The following ZNF714 variants were observed in gnomAD, a reference collection of about 807,000 sequenced individuals.
The protein encoded by ZNF714 is zinc finger protein 714.
ZNF714 carries 32 observed loss-of-function variants against 46.2 expected under a neutral mutation model. That is an observed-to-expected ratio of 0.69 (90% confidence interval 0.52 to 0.93). The LOEUF is 0.93. Ranked by LOEUF, ZNF714 falls within the 40% of genes least tolerant of loss-of-function variation. ZNF714 has a pLI of 0.00. For synonymous variants in ZNF714, 199 were observed against 213.1 expected (o/e 0.93, Z 0.58); for missense variants, 635 against 646.3 (o/e 0.98, Z 0.19).
At chr19:21,084,652 G>C (rs974678809) in intron 2 of ZNF714, among the ~76,000 whole-genome samples, 1 of 151,032 alleles carries the variant, frequency 6.6e-6, no homozygotes, top group African/African-American at 2.4e-5. Context: ...TTTGACCTCA[G>C]TTTTTTAGCT....
chr19:21,098,744 C>A, intron 3 of ZNF714, 68 bp from the exon 4 acceptor site: 2 of 999,252 alleles, frequency 2.0e-6, no homozygotes, highest in Non-Finnish European at 2.9e-6. Context: ...ATCCTTTTTA[C>A]TGAGCACAGT....
Position 21,122,817 on chromosome 19 carries a change from T to C in ZNF714, c.*4485T>C, listed in dbSNP as rs867712994. On this transcript the variant is annotated 3_prime_UTR_variant, in exon 5 of 5. Transcript: ENST00000456283. ...ATTTTTAGTGCACTTAAAAATGGATTTTAACTGGTGAGTTCGCTTATCAAT... is the reference window on the plus strand; with the variant it reads ...ATTTTTAGTGCACTTAAAAATGGATCTTAACTGGTGAGTTCGCTTATCAAT... The C allele has an allele frequency of 6.6e-6, 1 of 152,122 alleles. No homozygotes were observed. Among genetic ancestry groups the C allele is most frequent in the East Asian group, 1.9e-4 (1 of 5,198 alleles). 9.4% of individuals were successfully genotyped at this position (152,122 alleles called of 1,614,324 possible). A position where few individuals can be genotyped will look rare whatever the true frequency, so the allele number is the denominator to read the frequency against.
intron 4 of ZNF714, among the ~76,000 whole-genome samples, chr19:21,099,732 G>T (rs1157732053): frequency 2.6e-5 from 4 of 152,002 alleles, no homozygotes; most frequent in Middle Eastern, 6.8e-3. Context: ...GTAAATTTTA[G>T]AATCGTATTT....
rs549654831 is a variant in ZNF714 at position 21,104,695 on chromosome 19, C to T, written c.142+5785C>T. On this transcript the variant is annotated intron_variant, in intron 4 of 4. Coordinates refer to ENST00000456283, the MANE Select transcript of ZNF714 (RefSeq NM_182515.4). ...CAATGGTGCAATGGCTCACTGCAACCTCCGCCTCCTGGATTCCAACAATTC... is the reference window on the plus strand; with the variant it reads ...CAATGGTGCAATGGCTCACTGCAACTTCCGCCTCCTGGATTCCAACAATTC... 3.5e-4 allele frequency among the ~76,000 whole-genome samples: 53 copies of T among 152,028 alleles called. 1 individual carries two copies. Among genetic ancestry groups the T allele is most frequent in the African/African-American group, 1.3e-3 (52 of 41,462 alleles).
intron 2 of ZNF714, among the ~76,000 whole-genome samples, chr19:21,090,174 A>G (rs1032756235): frequency 3.9e-5 from 6 of 152,230 alleles, no homozygotes; most frequent in Non-Finnish European, 8.8e-5. Context: ...GCCTCTGGGC[A>G]AGATGGTTAC....
intron 2 of ZNF714, chr19:21,091,393 C>G (rs1968905584): frequency 1.3e-5 from 2 of 152,314 alleles, no homozygotes; most frequent in South Asian, 2.1e-4. Context: ...TGCTGACCTT[C>G]TATCTCACCT....
chr19:21,117,467 AC>A lies in ZNF714; in HGVS notation c.806del (p.Pro269LeufsTer37), dbSNP rs1198640123. On this transcript the variant is annotated frameshift_variant, in exon 5 of 5. Coordinates refer to ENST00000456283, the MANE Select transcript of ZNF714 (RefSeq NM_182515.4). LOFTEE classifies it high-confidence loss of function. ...GAAGAATGTGGTAAAGCTTTTAACC[AC>A]CCTTCAGCCCTTACTACACATAAGT... ...KCEECGKAFN[H>X]PSALTTHKFI... 6.8e-6 allele frequency: 11 copies of A among 1,610,914 alleles called. No homozygotes were observed. Among genetic ancestry groups the A allele is most frequent in the South Asian group, 1.1e-5 (1 of 90,884 alleles).
At chr19:21,116,754 A>T (rs1005976819) in intron 4 of ZNF714, 53 bp from the exon 5 acceptor site, 1 of 1,520,274 alleles carries the variant, frequency 6.6e-7, no homozygotes, top group African/African-American at 1.4e-5. Context: ...TTTGTAAAGT[A>T]TGTTTATCAG....
chr19:21,117,982 C>T lies in ZNF714; in HGVS notation c.1318C>T (p.Leu440Phe). 1.9e-6 allele frequency: 3 copies of T among 1,613,578 alleles called. No homozygotes were observed. The highest frequency in any genetic ancestry group is 1.7e-6 in the Non-Finnish European group (2 of 1,179,942). The change falls in exon 5 of 5, where the codon CTT becomes TTT. Residue 440 changes from leucine to phenylalanine, a missense_variant. Transcript: ENST00000456283. ...CGKAFNRSSN[L>F]TTHKRIHTGE... ...CAAAGCTTTTAACCGATCCTCAAACCTTACTACACATAAGAGAATTCACAC... is the reference window on the plus strand; with the variant it reads ...CAAAGCTTTTAACCGATCCTCAAACTTTACTACACATAAGAGAATTCACAC...
intron 4 of ZNF714, among the ~76,000 whole-genome samples, chr19:21,101,849 C>CA (rs1019819784): frequency 1.3e-5 from 2 of 152,162 alleles, no homozygotes; most frequent in Non-Finnish European, 2.9e-5. Context: ...TAGCCAAAAC[C>CA]AGGGGTCCTG....
chr19:21,107,404 T>G (rs1028284092), intron 4 of ZNF714, among the ~76,000 whole-genome samples: 1 of 152,154 alleles, frequency 6.6e-6, no homozygotes, highest in Non-Finnish European at 1.5e-5. Context: ...CACGCCTGGC[T>G]AATTTTGTAT....
intron 2 of ZNF714, among the ~76,000 whole-genome samples, chr19:21,085,640 G>A (rs1341116627): frequency 6.6e-6 from 1 of 151,854 alleles, no homozygotes; most frequent in East Asian, 1.9e-4. Flanking sequence ...TACAAAAGGA[G>A]GTTATTAAAG....
In ZNF714 at chr19:21,119,584, G is replaced by GA. The variant is rs1969673550; in HGVS notation, c.*1257dup. 1 of 152,110 alleles carries GA rather than the reference G, an allele frequency of 6.6e-6. No individual in the cohort carries two copies. Among genetic ancestry groups the GA allele is most frequent in the African/African-American group, 2.4e-5 (1 of 41,372 alleles). 9.4% of individuals were successfully genotyped at this position (152,110 alleles called of 1,614,324 possible). The stretch of plus-strand genomic sequence containing the variant: ...TCAATATCAGGGAATTTATATTGAA[G>GA]AAAAATCATGCAAATGTAGTAAATT... On this transcript the variant is annotated 3_prime_UTR_variant, in exon 5 of 5. Coordinates refer to ENST00000456283, the MANE Select transcript of ZNF714 (RefSeq NM_182515.4).
At chr19:21,089,070 A>G (rs904342038) in intron 2 of ZNF714, among the ~76,000 whole-genome samples, 99 of 152,196 alleles carry the variant, frequency 6.5e-4, no homozygotes, top group Non-Finnish European at 2.2e-4. Flanking sequence ...CAGTTATTAC[A>G]TGCCAAAGTT....
rs745353419 is a variant in ZNF714, at chr19:21,116,805, A to T, written c.143-2A>T. 1.3e-6 allele frequency: 2 copies of T among 1,576,442 alleles called. No individual in the cohort carries two copies. Among genetic ancestry groups the T allele is most frequent in the Non-Finnish European group, 8.6e-7 (1 of 1,167,442 alleles). ...ATAATTTGTTGTTTGTATTTCTTTC[A>T]GCTATGTGTTCTTCTTTTACCAGAG... On this transcript the variant is annotated splice_acceptor_variant, in intron 4 of 4. Coordinates refer to ENST00000456283, the MANE Select transcript of ZNF714 (RefSeq NM_182515.4). LOFTEE classifies it high-confidence loss of function.
intron 4 of ZNF714, chr19:21,109,578 TG>T (rs1244691507): frequency 5.3e-5 from 12 of 226,104 alleles, no homozygotes; most frequent in East Asian, 1.8e-4. Flanking sequence ...GTTTCATTGT[TG>T]TTTTTTTTTT....
Position 21,122,117 on chromosome 19 carries a change from A to T in ZNF714, c.*3785A>T, listed in dbSNP as rs535301683. ...CATAAGTATATTTATTTATTGAGTC[A>T]ATTTGTTCAGGTAAGTACTGGGGGG... On this transcript the variant is annotated 3_prime_UTR_variant, in exon 5 of 5. Coordinates refer to ENST00000456283, the MANE Select transcript of ZNF714 (RefSeq NM_182515.4). 17 of 152,262 alleles carry T rather than the reference A, an allele frequency of 1.1e-4. No individual in the cohort carries two copies. The highest frequency in any genetic ancestry group is 1.9e-4 in the East Asian group (1 of 5,184). The allele number at this position is 152,262 out of a possible 1,614,324, so 9.4% of individuals were successfully genotyped here. A position where few individuals can be genotyped will look rare whatever the true frequency, so the allele number is the denominator to read the frequency against.
Position 21,104,779 on chromosome 19 carries a change from G to A in ZNF714, c.142+5869G>A, listed in dbSNP as rs534671260. Among the ~76,000 whole-genome samples, 297 of 151,558 alleles carry A rather than the reference G, an allele frequency of 2.0e-3. 3 individuals are homozygous for A. Among genetic ancestry groups the A allele is most frequent in the African/African-American group, 7.0e-3 (289 of 41,386 alleles). ...AGGTACCTGCCATCATGCCTGGCTA[G>A]TTTTTGTATTTTTAGTAGAAACGGG... is the stretch of plus-strand genomic sequence containing the variant. On this transcript the variant is annotated intron_variant, in intron 4 of 4. Coordinates refer to ENST00000456283, the MANE Select transcript of ZNF714 (RefSeq NM_182515.4).
At chr19:21,099,938 C>A (rs964502192) in intron 4 of ZNF714, among the ~76,000 whole-genome samples, 3 of 152,140 alleles carry the variant, frequency 2.0e-5, no homozygotes, top group Non-Finnish European at 4.4e-5. Flanking sequence ...TCACTGCAAC[C>A]TCCACTTTCC....
Sources: allele counts gnomAD v4.1 joint callset (sites outside exome capture counted in the v4.1 genomes callset), GRCh38; gene constraint gnomAD v4.1.1; transcripts MANE v1.5; gene names NCBI Gene and HGNC (gene_info 2026-07-23, HGNC 2026-07-21).